The following ABHD12 variants were observed in gnomAD, a reference collection of about 807,000 sequenced individuals.
The protein encoded by ABHD12 is abhydrolase domain containing 12, lysophospholipase.
A neutral mutation model predicts 58.3 loss-of-function variants in ABHD12; 43 were observed. The observed-to-expected ratio is 0.74, with a 90% confidence interval of 0.58 to 0.95. ABHD12 has a LOEUF of 0.95. Ranked by LOEUF, ABHD12 falls within the 40% of genes least tolerant of loss-of-function variation. The pLI, the probability that ABHD12 is intolerant of heterozygous loss-of-function variation, is 0.00. For synonymous variants in ABHD12, 219 were observed against 211.2 expected (o/e 1.04, Z -0.32); for missense variants, 539 against 537.2 (o/e 1.00, Z -0.03).
intron 1 of ABHD12, among the ~76,000 whole-genome samples, chr20:25,376,354 A>C (rs992685546): frequency 6.6e-6 from 1 of 152,216 alleles, no homozygotes; most frequent in Admixed American, 6.5e-5. Context: ...ATTCAAAAGC[A>C]GTCAGTGTTG....
chr20:25,300,995 G>T, intron 12 of ABHD12, 111 bp from the exon 13 acceptor site: 2 of 1,146,758 alleles, frequency 1.7e-6, no homozygotes, highest in Non-Finnish European at 2.5e-6. Flanking sequence ...AGAGGAGGCA[G>T]CCAAGAGCCC....
chr20:25,304,288 G>A (rs1040810332), intron 10 of ABHD12, among the ~76,000 whole-genome samples: 2 of 152,226 alleles, frequency 1.3e-5, no homozygotes, highest in Admixed American at 1.3e-4. Context: ...CTGTGCTGCT[G>A]GCAGGAGGCA....
intron 6 of ABHD12, among the ~76,000 whole-genome samples, chr20:25,311,616 C>T (rs958528997): frequency 4.6e-5 from 7 of 152,332 alleles, no homozygotes; most frequent in South Asian, 4.1e-4. Context: ...AGGATAGACA[C>T]GCCACCTGCC....
At chr20:25,296,306 C>A, downstream of ABHD12, 1 of 1,583,648 alleles carries the variant, frequency 6.3e-7, no homozygotes, top group Admixed American at 1.7e-5. Flanking sequence ...GTTCTGGAAT[C>A]CCATGTTTTT....
At chr20:25,374,314 T>C (rs2089935838) in intron 1 of ABHD12, among the ~76,000 whole-genome samples, 1 of 152,196 alleles carries the variant, frequency 6.6e-6, no homozygotes, top group African/African-American at 2.4e-5. Context: ...GGTTTCATGT[T>C]GAATAGTTGA....
chr20:25,306,424 C>T (rs1208710334), intron 10 of ABHD12, among the ~76,000 whole-genome samples: 1 of 152,208 alleles, frequency 6.6e-6, no homozygotes, highest in African/African-American at 2.4e-5. Flanking sequence ...GTCACCCAGG[C>T]TGGAGTGCAG....
In ABHD12 at chr20:25,377,275, A is replaced by C. The variant is rs565139817; in HGVS notation, c.191+13238T>G. The stretch of plus-strand genomic sequence containing the variant: ...TGTCCCCAAACTGAGAATTTTTCTC[A>C]TGTCTTTAGATGGCTCTATTGGCCA... On this transcript the variant is annotated intron_variant, in intron 1 of 12. Coordinates refer to ENST00000339157, the MANE Select transcript of ABHD12 (RefSeq NM_001042472.3). 2.6e-5 allele frequency among the ~76,000 whole-genome samples: 4 copies of C among 152,316 alleles called. No homozygotes were observed. In the South Asian group the frequency reaches 8.3e-4, roughly 32 times the overall value.
chr20:25,385,377 C>G (rs2090076013), intron 1 of ABHD12, among the ~76,000 whole-genome samples: 1 of 146,742 alleles, frequency 6.8e-6, no homozygotes, highest in Admixed American at 6.8e-5. Context: ...AGGAAAAACC[C>G]TAATTACAAA....
chr20:25,296,383 G>A (rs543004571), downstream of ABHD12: 5 of 1,614,034 alleles, frequency 3.1e-6, no homozygotes, highest in Non-Finnish European at 4.2e-6. Context: ...CCCAAGGAGT[G>A]GACCAAGAAG....
At chr20:25,324,765 A>G (rs1026449573) in intron 2 of ABHD12, among the ~76,000 whole-genome samples, 3 of 152,200 alleles carry the variant, frequency 2.0e-5, no homozygotes, top group Non-Finnish European at 4.4e-5. Context: ...GACAGTTCCT[A>G]CCACCAGGGC....
intron 1 of ABHD12, among the ~76,000 whole-genome samples, chr20:25,360,601 A>G (rs2089733457): frequency 6.6e-6 from 1 of 152,122 alleles, no homozygotes. Context: ...TCCTCTTAAA[A>G]TGCCACTAAA....
At chr20:25,308,175 C>T (rs541253576) in intron 8 of ABHD12, 130 bp from the exon 9 acceptor site, 7 of 791,156 alleles carry the variant, frequency 8.8e-6, no homozygotes, top group Non-Finnish European at 1.5e-5. Context: ...ACCACCTCGG[C>T]AGGCCTCAGA....
chr20:25,347,987 A>C (rs1019070150), intron 1 of ABHD12, among the ~76,000 whole-genome samples: 1 of 151,844 alleles, frequency 6.6e-6, no homozygotes, highest in Non-Finnish European at 1.5e-5. Flanking sequence ...CTAGGTGGGC[A>C]GATCACGAGG....
At chr20:25,296,819 G>A, downstream of ABHD12, 1 of 407,332 alleles carries the variant, frequency 2.5e-6, no homozygotes, top group Non-Finnish European at 4.5e-6. Context: ...GGAGCCACCT[G>A]CTGGGCTCCC....
At chr20:25,383,626 C>G (rs2090048185) in intron 1 of ABHD12, among the ~76,000 whole-genome samples, 1 of 152,142 alleles carries the variant, frequency 6.6e-6, no homozygotes, top group Non-Finnish European at 1.5e-5. Context: ...CAAGACCAGC[C>G]TGGCCAATAT....
intron 1 of ABHD12, among the ~76,000 whole-genome samples, chr20:25,355,957 G>C (rs2089662544): frequency 6.6e-6 from 1 of 152,176 alleles, no homozygotes; most frequent in African/African-American, 2.4e-5. Flanking sequence ...CATGCTTTGA[G>C]CTGTGAAACT....
At chr20:25,326,427 T>C (rs73612668) in intron 2 of ABHD12, among the ~76,000 whole-genome samples, 1 of 152,136 alleles carries the variant, frequency 6.6e-6, no homozygotes, top group Non-Finnish European at 1.5e-5. Flanking sequence ...CACTTTCTAA[T>C]AGGCCCAGGA....
chr20:25,338,783 T>C (rs1020204470), intron 2 of ABHD12: 2 of 994,670 alleles, frequency 2.0e-6, no homozygotes, highest in Non-Finnish European at 2.4e-6. Flanking sequence ...TCAGTGGTCA[T>C]CTTTTCCAAG....
chr20:25,369,514 T>G (rs569599567), intron 1 of ABHD12, among the ~76,000 whole-genome samples: 1 of 152,168 alleles, frequency 6.6e-6, no homozygotes, highest in South Asian at 2.1e-4. Context: ...CACACAAGGC[T>G]TTAGGGTTTG....
Sources: gnomAD v4.1 joint callset for allele counts (sites outside exome capture counted in the v4.1 genomes callset) on GRCh38, gnomAD v4.1.1 for gene constraint, MANE v1.5 for transcripts, NCBI Gene and HGNC (gene_info 2026-07-23, HGNC 2026-07-21) for gene names.